The following COL8A1 variants were observed in gnomAD, a reference collection of about 807,000 sequenced individuals.
The protein encoded by COL8A1 is collagen type VIII alpha 1 chain, also known as collagen alpha-1(VIII) chain.
COL8A1 carries 21 observed loss-of-function variants against 42.7 expected under a neutral mutation model. That is an observed-to-expected ratio of 0.49 (90% confidence interval 0.35 to 0.71). The LOEUF (loss-of-function observed/expected upper bound fraction) is 0.71, where lower values mean the gene tolerates loss of function less well. Ranked by LOEUF, COL8A1 falls within the 30% of genes least tolerant of loss-of-function variation. The pLI is 0.01. For synonymous variants in COL8A1, 367 were observed against 369.1 expected, an observed-to-expected ratio of 0.99 and a Z score of 0.06; for missense variants, 788 against 962.4, an observed-to-expected ratio of 0.82 and a Z score of 2.40.
chr3:99,660,320 C>T (rs1938166525), intron 1 of COL8A1, among the ~76,000 whole-genome samples: 1 of 152,116 alleles, frequency 6.6e-6, no homozygotes, highest in Non-Finnish European at 1.5e-5. Context: ...GGTCCCAAGA[C>T]CTGAAATCAT....
At chr3:99,657,882 C>T (rs1184670157) in intron 1 of COL8A1, among the ~76,000 whole-genome samples, 1 of 152,152 alleles carries the variant, frequency 6.6e-6, no homozygotes, top group Non-Finnish European at 1.5e-5. Context: ...GTAATCCCAG[C>T]ACTTTGGGAG....
At chr3:99,700,196 A>G (rs768589652) in intron 1 of COL8A1, among the ~76,000 whole-genome samples, 3 of 152,134 alleles carry the variant, frequency 2.0e-5, no homozygotes, top group Non-Finnish European at 2.9e-5. Context: ...AAACTCGCTC[A>G]TTTTTATAGA....
chr3:99,650,488 G>T (rs1235498870), intron 1 of COL8A1, among the ~76,000 whole-genome samples: 1 of 151,904 alleles, frequency 6.6e-6, no homozygotes, highest in African/African-American at 2.4e-5. Context: ...AAGCTGGAGT[G>T]CAGCGGCATG....
chr3:99,660,282 G>C (rs1166481852), intron 1 of COL8A1, among the ~76,000 whole-genome samples: 1 of 152,156 alleles, frequency 6.6e-6, no homozygotes, highest in Non-Finnish European at 1.5e-5. Flanking sequence ...TATGATTGAA[G>C]GGGGAAAGCA....
chr3:99,750,049 CTTTTTTTTTTTTTTTTT>C (rs1176042144), intron 2 of COL8A1, among the ~76,000 whole-genome samples: 34 of 65,968 alleles, frequency 5.2e-4, no homozygotes, highest in Non-Finnish European at 8.2e-4. Context: ...TTTTTTTCTT[CTTTTTTTTTTTTTTTTT>C]TTTTTTTTGA....
At chr3:99,761,995 C>A (rs1319109431) in intron 2 of COL8A1, among the ~76,000 whole-genome samples, 1 of 152,160 alleles carries the variant, frequency 6.6e-6, no homozygotes, top group Non-Finnish European at 1.5e-5. Context: ...GCGATACATA[C>A]CATGTTTGGT....
chr3:99,742,964 A>T (rs1040040348), intron 1 of COL8A1, among the ~76,000 whole-genome samples: 3 of 152,192 alleles, frequency 2.0e-5, no homozygotes, highest in African/African-American at 7.2e-5. Flanking sequence ...GGAAGAGTGG[A>T]ATCTAATTCA....
intron 3 of COL8A1, among the ~76,000 whole-genome samples, chr3:99,791,583 T>C (rs982597677): frequency 6.6e-6 from 1 of 152,162 alleles, no homozygotes; most frequent in African/African-American, 2.4e-5. Flanking sequence ...CACCTGAAAA[T>C]CTCTCCTGTT....
intron 1 of COL8A1, among the ~76,000 whole-genome samples, chr3:99,676,520 G>A (rs532929261): frequency 6.6e-6 from 1 of 152,048 alleles, no homozygotes; most frequent in African/African-American, 2.4e-5. Context: ...TCAGAAAAGG[G>A]GTTTGATAAC....
At chr3:99,641,113 A>T (rs1251095958) in intron 1 of COL8A1, among the ~76,000 whole-genome samples, 1 of 152,138 alleles carries the variant, frequency 6.6e-6, no homozygotes, top group East Asian at 1.9e-4. Flanking sequence ...AACATATGCC[A>T]CTTTATTCCT....
At chr3:99,760,186 C>T (rs753074844) in intron 2 of COL8A1, among the ~76,000 whole-genome samples, 4 of 152,050 alleles carry the variant, frequency 2.6e-5, no homozygotes, top group African/African-American at 9.7e-5. Flanking sequence ...TTTCACTGTG[C>T]TCATGAGGGA....
intron 1 of COL8A1, among the ~76,000 whole-genome samples, chr3:99,682,530 A>G (rs1158766963): frequency 6.6e-6 from 1 of 152,122 alleles, no homozygotes; most frequent in South Asian, 2.1e-4. Flanking sequence ...ATGATTCTGT[A>G]TTATAAATAT....
Position 99,795,800 on chromosome 3 carries a change from GA to G in COL8A1, c.1901del (p.Lys634SerfsTer52), listed in dbSNP as rs1322645347. ...APFPPVGAPV[K>X]FNKLLYNGRQ... ...CTTTCCCACCGGTGGGGGCCCCAGT[GA>G]AGTTTAACAAACTGCTGTATAACGG... On this transcript the variant is annotated frameshift_variant, in exon 4 of 4. Coordinates refer to ENST00000652472, the MANE Select transcript of COL8A1 (RefSeq NM_020351.4). LOFTEE classifies it high-confidence loss of function. 1.2e-6 allele frequency: 2 copies of G among 1,614,102 alleles called. No homozygotes were observed. Among genetic ancestry groups the G allele is most frequent in the Admixed American group, 3.3e-5 (2 of 60,018 alleles).
At chr3:99,713,702 A>C (rs1464741314) in intron 1 of COL8A1, among the ~76,000 whole-genome samples, 2 of 152,214 alleles carry the variant, frequency 1.3e-5, no homozygotes, top group Non-Finnish European at 2.9e-5. Flanking sequence ...CTCAAGGAGC[A>C]GTGGTATTGT....
intron 2 of COL8A1, among the ~76,000 whole-genome samples, chr3:99,748,424 A>C (rs1466331190): frequency 2.6e-5 from 4 of 152,238 alleles, no homozygotes; most frequent in African/African-American, 9.6e-5. Flanking sequence ...TCAATACTTT[A>C]TATATTGATT....
intron 2 of COL8A1, among the ~76,000 whole-genome samples, chr3:99,751,120 C>A (rs1291840327): frequency 6.6e-6 from 1 of 152,086 alleles, no homozygotes; most frequent in Non-Finnish European, 1.5e-5. Flanking sequence ...TAAAATTTTA[C>A]TACAAAGAAA....
intron 1 of COL8A1, among the ~76,000 whole-genome samples, chr3:99,663,973 A>T (rs1257021676): frequency 1.3e-5 from 2 of 152,146 alleles, no homozygotes; most frequent in Admixed American, 1.3e-4. Flanking sequence ...CTCACAATTC[A>T]TTGATTTGGG....
At chr3:99,792,029 T>C (rs936685180) in intron 3 of COL8A1, among the ~76,000 whole-genome samples, 6 of 152,204 alleles carry the variant, frequency 3.9e-5, no homozygotes, top group African/African-American at 1.4e-4. Context: ...GGCTCTGTGC[T>C]AGACACCAGG....
chr3:99,651,337 T>A (rs1937840413), intron 1 of COL8A1, among the ~76,000 whole-genome samples: 1 of 152,194 alleles, frequency 6.6e-6, no homozygotes, highest in African/African-American at 2.4e-5. Context: ...AGCTCACAGA[T>A]TTTTGCTTTT....
Sources: gnomAD v4.1 joint callset for allele counts (sites outside exome capture counted in the v4.1 genomes callset) on GRCh38, gnomAD v4.1.1 for gene constraint, MANE v1.5 for transcripts, NCBI Gene and HGNC (gene_info 2026-07-23, HGNC 2026-07-21) for gene names.